Variants in WDR11 observed in about 807,000 individuals in gnomAD.
The protein encoded by WDR11 is WD repeat domain 11.
WDR11 carries 83 observed loss-of-function variants against 151.2 expected under a neutral mutation model. That is an observed-to-expected ratio of 0.55 (90% CI 0.46 to 0.66). The LOEUF is 0.66. Ranked by LOEUF, WDR11 falls within the 30% of genes least tolerant of loss-of-function variation. The pLI, the probability that WDR11 is intolerant of heterozygous loss-of-function variation, is 0.00. For synonymous variants in WDR11, 484 were observed against 533.1 expected, an observed-to-expected ratio of 0.91 and a Z score of 1.27; for missense variants, 1,301 against 1,480.9, an observed-to-expected ratio of 0.88 and a Z score of 1.99.
At chr10:120,903,574 A>G (rs905143537) in intron 23 of WDR11, among the ~76,000 whole-genome samples, 1 of 151,316 alleles carries the variant, frequency 6.6e-6, no homozygotes, top group Non-Finnish European at 1.5e-5. Context: ...AAAAAGCCTG[A>G]TCAAGATTTG....
chr10:120,851,869 T>C lies in WDR11; in HGVS notation c.86+363T>C, dbSNP rs76717488. On this transcript the variant is annotated intron_variant, in intron 1 of 28. Coordinates refer to ENST00000263461, the MANE Select transcript of WDR11 (RefSeq NM_018117.12). ...ACTTTCTCTTTCCCATCCTGTCTTT[T>C]CTTTTTCGTTGTCTTGTATTCCTGT... 1.2e-4 allele frequency: 43 copies of C among 372,540 alleles called. 1 individual carries two copies. The East Asian group carries it at 2.5e-3, about 22-fold the overall frequency. The allele number at this position is 372,540 out of a possible 1,614,324, so 23.1% of individuals were successfully genotyped here.
chr10:120,906,707 C>G, intron 27 of WDR11, 69 bp from the exon 28 acceptor site: 1 of 1,612,834 alleles, frequency 6.2e-7, no homozygotes, highest in Non-Finnish European at 8.5e-7. Flanking sequence ...GTCTTTATAC[C>G]CTTCGATGCT....
At chr10:120,900,000 AT>A in intron 19 of WDR11, 28 bp from the exon 20 acceptor site, 1 of 1,584,302 alleles carries the variant, frequency 6.3e-7, no homozygotes, top group Non-Finnish European at 8.7e-7. Context: ...ACTTCATTTT[AT>A]TTTTAAAAAC....
intron 28 of WDR11, 140 bp downstream of exon 28, chr10:120,906,995 A>C (rs1848079085): frequency 7.5e-7 from 1 of 1,339,844 alleles, no homozygotes; most frequent in Non-Finnish European, 1.0e-6. Flanking sequence ...GATTCACCAA[A>C]GCCAGGAAAG....
chr10:120,851,456 G>T lies in WDR11; in HGVS notation c.36G>T (p.Ala12=). The stretch of plus-strand genomic sequence containing the variant: ...ACACAGTGAACTTCAAGGTGTCGGC[G>T]CGCACCCTCACGGGGGCCCTCAACG... ...LPYTVNFKVS[A]RTLTGALNAH... Residue 12 remains alanine, a synonymous_variant, in exon 1 of 29, where the codon GCG becomes GCT. Transcript: ENST00000263461. 1 of 1,612,226 alleles carries T rather than the reference G, an allele frequency of 6.2e-7. No homozygotes were observed. The highest frequency in any genetic ancestry group is 8.5e-7 in the Non-Finnish European group (1 of 1,179,754).
In WDR11 at chr10:120,889,945, G is replaced by A. The variant is rs761216783; in HGVS notation, c.2279G>A (p.Gly760Asp). 6.2e-7 allele frequency: 1 copy of A among 1,614,098 alleles called. No individual in the cohort carries two copies. The highest frequency in any genetic ancestry group is 2.2e-5 in the East Asian group (1 of 44,870). ...SWVRKIRFAP[G>D]KGNQKLIAMY... ...GTGAGGAAGATTCGTTTTGCTCCTGGTAAAGGAAATCAAAAATTAATAGCA... is the reference window on the plus strand; with the variant it reads ...GTGAGGAAGATTCGTTTTGCTCCTGATAAAGGAAATCAAAAATTAATAGCA... The change falls in exon 18 of 29, where the codon GGT becomes GAT. Residue 760 changes from glycine (G) to aspartate (D), a missense_variant. Gly to Asp is a moderately conservative substitution (Grantham distance 94). Transcript: ENST00000263461.
intron 20 of WDR11, among the ~76,000 whole-genome samples, chr10:120,900,348 T>C (rs183021356): frequency 4.9e-4 from 74 of 152,210 alleles, no homozygotes; most frequent in African/African-American, 1.8e-3. Context: ...AGGGCGTGTA[T>C]TGCTCTCAGG....
chr10:120,860,302 GGAAAA>G lies in WDR11; in HGVS notation c.526+21_526+25del. The G allele has an allele frequency of 1.9e-6, 3 of 1,610,842 alleles. No homozygotes were observed. Among genetic ancestry groups the G allele is most frequent in the Non-Finnish European group, 2.5e-6 (3 of 1,179,436 alleles). ...TAACTTGTGAGTAACAGTTGCTTGTGGAAAATGAGTTAAGTGAGATATTTATAATA... is the reference window on the plus strand; with the variant it reads ...TAACTTGTGAGTAACAGTTGCTTGTGTGAGTTAAGTGAGATATTTATAATA... On this transcript the variant is annotated intron_variant, in intron 4 of 28. Coordinates refer to ENST00000263461, the MANE Select transcript of WDR11 (RefSeq NM_018117.12).
chr10:120,890,049 T>A, intron 18 of WDR11, 40 bp downstream of exon 18: 1 of 1,403,138 alleles, frequency 7.1e-7, no homozygotes, highest in Non-Finnish European at 1.0e-6. Context: ...AATAAATTGT[T>A]AGCCATAGGA....
chr10:120,898,910 A>G (rs1847709504), intron 19 of WDR11, among the ~76,000 whole-genome samples: 2 of 152,186 alleles, frequency 1.3e-5, no homozygotes, highest in South Asian at 2.1e-4. Flanking sequence ...AACACCATGT[A>G]TAAGTTTGTG....
At position 120,883,791 on chromosome 10, in the gene WDR11, C is replaced by T; in HGVS notation, c.1751C>T (p.Ala584Val). Residue 584 changes from alanine (A) to valine (V), a missense_variant, in exon 14 of 29, where the codon GCA becomes GTA. Ala to Val is a moderately conservative substitution (Grantham distance 64). Around this residue, in one of 3 missense-constraint regions of WDR11, gnomAD observed 692 missense variants for 762.5 expected, o/e 0.91. Transcript: ENST00000263461. Reference protein sequence around the residue: ...IKVSHLKQYLAVVFRDKPLEL... With the variant: ...IKVSHLKQYLVVVFRDKPLEL... ...TTTGTTTATTTTAGGCAGTATTTGG[C>T]AGTCGTATTCAGAGATAAACCCCTG... 6.2e-7 allele frequency: 1 copy of T among 1,613,306 alleles called. No individual in the cohort carries two copies. The highest frequency in any genetic ancestry group is 8.5e-7 in the Non-Finnish European group (1 of 1,179,464).
intron 11 of WDR11, among the ~76,000 whole-genome samples, chr10:120,874,355 T>C (rs1846679884): frequency 6.6e-6 from 1 of 151,788 alleles, no homozygotes; most frequent in Admixed American, 6.6e-5. Flanking sequence ...TCAGGTTTAT[T>C]TTATTTATTT....
At chr10:120,866,961 A>G (rs576499237) in intron 8 of WDR11, 105 bp from the exon 9 acceptor site, 353 of 1,095,554 alleles carry the variant, frequency 3.2e-4, no homozygotes, top group Non-Finnish European at 3.9e-4. Flanking sequence ...AATGAATAAT[A>G]TAAAAATAGA....
At position 120,871,246 on chromosome 10, in the gene WDR11, G is replaced by A. The variant is rs551973326; in HGVS notation, c.1371G>A (p.Thr457=). The A allele has an allele frequency of 2.9e-4, 475 of 1,614,118 alleles. 6 individuals are homozygous for A. The South Asian group carries it at 4.7e-3, about 16-fold the overall frequency. Reference sequence around the variant, plus strand: ...AAGTGCACCTCAAGTTCCTGCTGACGGGACTGCTTTCAGGACTGCCCGCAC... The same window carrying A: ...AAGTGCACCTCAAGTTCCTGCTGACAGGACTGCTTTCAGGACTGCCCGCAC... The part of the protein sequence containing the change: ...LREVHLKFLL[T]GLLSGLPAPQ... Residue 457 remains threonine, a synonymous_variant, in exon 10 of 29, where the codon ACG becomes ACA. Coordinates refer to ENST00000263461, the MANE Select transcript of WDR11 (RefSeq NM_018117.12).
intron 13 of WDR11, 59 bp from the exon 14 acceptor site, chr10:120,883,721 C>T (rs369517900): frequency 1.4e-4 from 201 of 1,448,650 alleles, no homozygotes; most frequent in Non-Finnish European, 1.9e-4. Context: ...TTTATTTGCT[C>T]TAATTCATGG....
rs768220782 is a variant in WDR11 at position 120,867,024 on chromosome 10, A to G, written c.1191-42A>G. The G allele has an allele frequency of 2.0e-6, 3 of 1,496,850 alleles. 1 individual carries two copies. The Admixed American group carries it at 5.0e-5, about 25-fold the overall frequency. 92.7% of individuals were successfully genotyped at this position (1,496,850 alleles called of 1,614,324 possible). ...TTTGAATTCCTAATACGTAATGCAGATTTTAAGTATGTAAAACCTTCTAAT... is the reference window on the plus strand; with the variant it reads ...TTTGAATTCCTAATACGTAATGCAGGTTTTAAGTATGTAAAACCTTCTAAT... On this transcript the variant is annotated intron_variant, in intron 8 of 28. Transcript: ENST00000263461.
At chr10:120,907,676 C>T (rs879643231) in intron 28 of WDR11, 2 of 149,388 alleles carry the variant, frequency 1.3e-5, no homozygotes, top group Admixed American at 6.7e-5. Context: ...GGTAAGGTCT[C>T]ACTCTTCTGC....
At chr10:120,873,999 A>C in intron 11 of WDR11, 76 bp downstream of exon 11, 1 of 932,264 alleles carries the variant, frequency 1.1e-6, no homozygotes, top group Non-Finnish European at 1.8e-6. Flanking sequence ...TTCTACATTG[A>C]GTACTCTGTA....
chr10:120,908,507 A>T (rs775063588), intron 28 of WDR11, 49 bp from the exon 29 acceptor site: 1 of 1,598,924 alleles, frequency 6.3e-7, no homozygotes, highest in African/African-American at 1.3e-5. Context: ...GCCTGTGAAG[A>T]GTCTCATCAC....
Sources: allele counts gnomAD v4.1 joint callset (sites outside exome capture counted in the v4.1 genomes callset), GRCh38; gene constraint gnomAD v4.1.1; regional missense constraint gnomAD v4.1.1; transcripts MANE v1.5; gene names NCBI Gene and HGNC (gene_info 2026-07-23, HGNC 2026-07-21).